PLEKHA5: variants seen among roughly 807,000 people sequenced by gnomAD.
PLEKHA5 encodes the protein pleckstrin homology domain-containing family A member 5.
In PLEKHA5, 55 loss-of-function variants were observed where a neutral mutation model predicts 181.9. That is an observed-to-expected ratio of 0.30 (90% CI 0.24 to 0.38). PLEKHA5 has a LOEUF of 0.38. Ranked by LOEUF, PLEKHA5 falls within the 10% of genes least tolerant of loss-of-function variation. The pLI is 1.00. For synonymous variants in PLEKHA5, 535 were observed against 529.4 expected (o/e 1.01, Z -0.15); for missense variants, 1,432 against 1,549.5 (o/e 0.92, Z 1.27).
Position 19,319,928 on chromosome 12 carries a change from C to G in PLEKHA5, c.2119-93C>G, listed in dbSNP as rs560174151. 4.1e-3 allele frequency: 3,041 copies of G among 737,068 alleles called. 6 individuals carry two copies. The highest frequency in any genetic ancestry group is 5.6e-3 in the Non-Finnish European group (2,602 of 466,156). The allele number at this position is 737,068 out of a possible 1,614,324, so 45.7% of individuals were successfully genotyped here. A position where few individuals can be genotyped will look rare whatever the true frequency, so the allele number is the denominator to read the frequency against. On this transcript the variant is annotated intron_variant, in intron 16 of 31. Transcript: ENST00000429027. ...AAACTTTTTATGAAATTTGACTATC[C>G]ATAGTTTATAACATAGGCTTTCAGT...
intron 9 of PLEKHA5, 120 bp downstream of exon 9, chr12:19,270,005 C>A (rs898420894): frequency 1.5e-6 from 1 of 654,044 alleles, no homozygotes; most frequent in Non-Finnish European, 2.6e-6. Context: ...TCATTTTTTC[C>A]TCAGAAAGCA....
In PLEKHA5 at chr12:19,356,946, A is replaced by G. The variant is rs539200962; in HGVS notation, c.3139-1282A>G. ...AGTGTTGGGATTACAGGTGTGAGCCACCGCGCCCGGCCTAAGCATTTTCAA... is the reference window on the plus strand; with the variant it reads ...AGTGTTGGGATTACAGGTGTGAGCCGCCGCGCCCGGCCTAAGCATTTTCAA... On this transcript the variant is annotated intron_variant, in intron 26 of 31. Coordinates refer to ENST00000429027, the MANE Select transcript of PLEKHA5 (RefSeq NM_001256470.2). Among the ~76,000 whole-genome samples, 6 of 152,180 alleles carry G rather than the reference A, an allele frequency of 3.9e-5. No individual in the cohort carries two copies. The East Asian group carries it at 1.2e-3, about 29-fold the overall frequency.
chr12:19,280,765 C>T (rs1472639596), intron 11 of PLEKHA5, among the ~76,000 whole-genome samples: 1 of 149,174 alleles, frequency 6.7e-6, no homozygotes, highest in African/African-American at 2.5e-5. Flanking sequence ...GAGTGTCTGT[C>T]ACCAGCACGA....
chr12:19,366,439 G>A (rs2153275863), intron 30 of PLEKHA5, among the ~76,000 whole-genome samples: 1 of 152,242 alleles, frequency 6.6e-6, no homozygotes, highest in Non-Finnish European at 1.5e-5. Flanking sequence ...TGGACCACGA[G>A]GTCAGGGGTT....
At chr12:19,242,243 G>T (rs565002615) in intron 3 of PLEKHA5, among the ~76,000 whole-genome samples, 9 of 149,902 alleles carry the variant, frequency 6.0e-5, no homozygotes, top group African/African-American at 7.4e-5. Flanking sequence ...GTTTTTTTTT[G>T]TTTTTTTTGT....
chr12:19,310,168 A>G (rs1429492069), intron 15 of PLEKHA5, among the ~76,000 whole-genome samples: 1 of 152,210 alleles, frequency 6.6e-6, no homozygotes, highest in Non-Finnish European at 1.5e-5. Context: ...ATTTCAAGTG[A>G]ATCCTTAAAC....
At chr12:19,304,150 G>A (rs78719855) in intron 15 of PLEKHA5, among the ~76,000 whole-genome samples, 22,070 of 151,886 alleles carry the variant, frequency 0.15, 1,835 homozygotes, top group Middle Eastern at 0.28. Context: ...GGCCAGGCAC[G>A]GTGGCTCACG....
At chr12:19,335,280 G>C (rs564026563) in intron 20 of PLEKHA5, among the ~76,000 whole-genome samples, 35 of 151,862 alleles carry the variant, frequency 2.3e-4, no homozygotes, top group African/African-American at 7.5e-4. Context: ...TGATCCACCT[G>C]CCTCAGCCTC....
chr12:19,344,117 T>C (rs2094148610), intron 22 of PLEKHA5, among the ~76,000 whole-genome samples: 1 of 152,164 alleles, frequency 6.6e-6, no homozygotes, highest in East Asian at 1.9e-4. Flanking sequence ...ATATGTAGTC[T>C]GTTGCTGACC....
chr12:19,322,757 G>T, intron 20 of PLEKHA5, 90 bp downstream of exon 20: 1 of 790,550 alleles, frequency 1.3e-6, no homozygotes, highest in Non-Finnish European at 2.0e-6. Flanking sequence ...GCTCTCTTTA[G>T]GATTCTTCTA....
intron 1 of PLEKHA5, 51 bp from the exon 2 acceptor site, chr12:19,130,000 C>A: frequency 1.3e-6 from 2 of 1,486,270 alleles, no homozygotes; most frequent in Non-Finnish European, 1.8e-6. Flanking sequence ...CTCGGCTCGC[C>A]CCCGCGTCCC....
At chr12:19,324,169 G>C (rs551542717) in intron 20 of PLEKHA5, among the ~76,000 whole-genome samples, 2 of 152,260 alleles carry the variant, frequency 1.3e-5, no homozygotes, top group Admixed American at 1.3e-4. Flanking sequence ...GTCTTTCCAG[G>C]CTGGCAAGAT....
intron 3 of PLEKHA5, among the ~76,000 whole-genome samples, chr12:19,180,117 G>C (rs1409295028): frequency 2.0e-5 from 3 of 152,190 alleles, no homozygotes; most frequent in African/African-American, 7.2e-5. Flanking sequence ...TCAAGGTGCA[G>C]TATGCTGGTG....
intron 3 of PLEKHA5, among the ~76,000 whole-genome samples, chr12:19,138,648 G>A (rs1466399107): frequency 6.6e-6 from 1 of 152,042 alleles, no homozygotes; most frequent in Non-Finnish European, 1.5e-5. Context: ...AGGCTGGGCT[G>A]CCCTGGAACG....
At chr12:19,351,475 C>A (rs7307816) in intron 25 of PLEKHA5, among the ~76,000 whole-genome samples, 14,093 of 152,012 alleles carry the variant, frequency 0.093, 904 homozygotes, top group Admixed American at 0.17. Flanking sequence ...GATATTAATA[C>A]GCTTTAACAT....
At chr12:19,262,614 A>T (rs574173792) in intron 7 of PLEKHA5, among the ~76,000 whole-genome samples, 24 of 152,302 alleles carry the variant, frequency 1.6e-4, no homozygotes, top group African/African-American at 5.5e-4. Flanking sequence ...GCTCAGGGAA[A>T]GGTGGGACTC....
chr12:19,179,790 AAGTT>A (rs1341668730), intron 3 of PLEKHA5, among the ~76,000 whole-genome samples: 3 of 152,238 alleles, frequency 2.0e-5, no homozygotes, highest in Non-Finnish European at 4.4e-5. Flanking sequence ...AAGTAGCTGA[AAGTT>A]AGCCTCTCAT....
chr12:19,175,879 G>C lies in PLEKHA5; in HGVS notation c.227+43429G>C, dbSNP rs113048980. On this transcript the variant is annotated intron_variant, in intron 3 of 31. Coordinates refer to ENST00000429027, the MANE Select transcript of PLEKHA5 (RefSeq NM_001256470.2). The stretch of plus-strand genomic sequence containing the variant: ...TACCAAGATACAATTAAAGTATATT[G>C]GGAGTCAACCAACAAAGTTTCACAA... Among the ~76,000 whole-genome samples the C allele has an allele frequency of 5.2e-3, 792 of 152,032 alleles. 7 individuals carry two copies. Among genetic ancestry groups the C allele is most frequent in the African/African-American group, 0.018 (766 of 41,466 alleles).
At chr12:19,228,965 A>T (rs1291636540) in intron 3 of PLEKHA5, among the ~76,000 whole-genome samples, 1 of 152,206 alleles carries the variant, frequency 6.6e-6, no homozygotes, top group Non-Finnish European at 1.5e-5. Flanking sequence ...CAAAATAAGG[A>T]TAAGTGGTTT....
Sources: allele counts gnomAD v4.1 joint callset (sites outside exome capture counted in the v4.1 genomes callset), GRCh38; gene constraint gnomAD v4.1.1; transcripts MANE v1.5; gene names NCBI Gene and HGNC (gene_info 2026-07-23, HGNC 2026-07-21).